The following C5orf22 variants were observed in gnomAD, a reference collection of about 807,000 sequenced individuals.
C5orf22 encodes chromosome 5 open reading frame 22.
Under a neutral mutation model 48.7 loss-of-function variants are expected in C5orf22, and 36 were observed. That is an observed-to-expected ratio of 0.74 (90% CI 0.57 to 0.98). The LOEUF is 0.98. Ranked by LOEUF, C5orf22 falls within the 50% of genes least tolerant of loss-of-function variation. C5orf22 has a pLI of 0.00. For synonymous variants in C5orf22, 141 were observed against 180.8 expected, an observed-to-expected ratio of 0.78 and a Z score of 1.76; for missense variants, 486 against 521.9, an observed-to-expected ratio of 0.93 and a Z score of 0.67.
At chr5:31,539,641 C>G (rs1353362021) in intron 4 of C5orf22, among the ~76,000 whole-genome samples, 1 of 152,092 alleles carries the variant, frequency 6.6e-6, no homozygotes, top group Non-Finnish European at 1.5e-5. Flanking sequence ...CCTAAATACC[C>G]TTTGGTACAA....
chr5:31,543,015 G>T (rs1033561910), intron 6 of C5orf22, among the ~76,000 whole-genome samples: 2 of 152,226 alleles, frequency 1.3e-5, no homozygotes, highest in African/African-American at 4.8e-5. Flanking sequence ...TATGGAAAAA[G>T]CTGAAACAGT....
In C5orf22 at chr5:31,538,591, G is replaced by T; in HGVS notation, c.709G>T (p.Glu237Ter). The T allele has an allele frequency of 6.2e-7, 1 of 1,614,096 alleles. No homozygotes were observed. Among genetic ancestry groups the T allele is most frequent in the Non-Finnish European group, 8.5e-7 (1 of 1,179,962 alleles). The change falls in exon 4 of 9, where the codon GAA becomes TAA. Residue 237 changes from glutamate to a stop codon, truncating the protein, a stop_gained. Coordinates refer to ENST00000325366, the MANE Select transcript of C5orf22 (RefSeq NM_018356.3). LOFTEE classifies it high-confidence loss of function. ...QECQTAASTG[E>*]ILEILKKGKA... ...ATGCCAGACTGCTGCCAGCACTGGG[G>T]AAATTCTGGAAATTTTGAAGAAAGG...
At chr5:31,532,505 A>T in intron 1 of C5orf22, 32 bp downstream of exon 1, 1 of 1,585,044 alleles carries the variant, frequency 6.3e-7, no homozygotes, top group Non-Finnish European at 8.6e-7. Flanking sequence ...TCTGGGGCAG[A>T]ATCAGCGGAA....
chr5:31,535,920 G>A, intron 3 of C5orf22, 27 bp downstream of exon 3: 4 of 1,597,036 alleles, frequency 2.5e-6, no homozygotes, highest in Non-Finnish European at 3.4e-6. Context: ...TGTGAATATG[G>A]AAGTGATTGA....
At chr5:31,537,911 T>G (rs112983605) in intron 3 of C5orf22, among the ~76,000 whole-genome samples, 2 of 152,358 alleles carry the variant, frequency 1.3e-5, no homozygotes, top group African/African-American at 4.8e-5. Context: ...GCCCCTGTCC[T>G]TATAGTCCAG....
intron 4 of C5orf22, 186 bp from the exon 5 acceptor site, chr5:31,540,763 T>A (rs1156950251): frequency 1.8e-6 from 1 of 541,050 alleles, no homozygotes; most frequent in East Asian, 3.2e-5. Flanking sequence ...TTACAATATT[T>A]ACAATAAAAT....
rs545649737 is a variant in C5orf22 at position 31,553,168 on chromosome 5, T to C, written c.*266T>C. The C allele has an allele frequency of 2.6e-4, 74 of 284,280 alleles. No individual in the cohort carries two copies. The highest frequency in any genetic ancestry group is 3.0e-4 in the Non-Finnish European group (44 of 149,096). 17.6% of individuals were successfully genotyped at this position (284,280 alleles called of 1,614,324 possible). Reference sequence around the variant, plus strand: ...TTAGGGTTTTGTTTTTTTTTTTGTTTGTTTGTTTGTTTGTCTTCACTTTTC... The same window carrying C: ...TTAGGGTTTTGTTTTTTTTTTTGTTCGTTTGTTTGTTTGTCTTCACTTTTC... On this transcript the variant is annotated 3_prime_UTR_variant, in exon 9 of 9. Transcript: ENST00000325366.
intron 1 of C5orf22, among the ~76,000 whole-genome samples, chr5:31,533,757 C>G (rs1741879748): frequency 1.3e-5 from 2 of 152,030 alleles, no homozygotes; most frequent in Admixed American, 6.5e-5. Context: ...AAAAAATTAG[C>G]TGGGCGTAGT....
chr5:31,548,059 TG>T (rs1743008243), intron 7 of C5orf22, among the ~76,000 whole-genome samples: 1 of 152,182 alleles, frequency 6.6e-6, no homozygotes, highest in Non-Finnish European at 1.5e-5. Context: ...CCCAGCACTT[TG>T]GGAGGCCAAG....
rs1408734451 is a variant in C5orf22 at position 31,551,289 on chromosome 5, T to C, written c.1060-4T>C. ...AGTGTAATTTTTAATTGTCTTATTTTCAGGTTCACCAGGCTGGTTTAACCT... is the reference window on the plus strand; with the variant it reads ...AGTGTAATTTTTAATTGTCTTATTTCCAGGTTCACCAGGCTGGTTTAACCT... On this transcript the variant is annotated splice_region_variant and splice_polypyrimidine_tract_variant and intron_variant, in intron 7 of 8. Transcript: ENST00000325366. 1 of 1,612,468 alleles carries C rather than the reference T, an allele frequency of 6.2e-7. No homozygotes were observed. Among genetic ancestry groups the C allele is most frequent in the East Asian group, 2.2e-5 (1 of 44,856 alleles).
At chr5:31,549,466 CT>C (rs35068314) in intron 7 of C5orf22, among the ~76,000 whole-genome samples, 25,769 of 148,238 alleles carry the variant, frequency 0.17, 2,324 homozygotes, top group Middle Eastern at 0.24. Flanking sequence ...TTTTGTTTAA[CT>C]TTTTTTTTTT....
chr5:31,537,466 T>C (rs1489936728), intron 3 of C5orf22, among the ~76,000 whole-genome samples: 1 of 152,222 alleles, frequency 6.6e-6, no homozygotes, highest in Non-Finnish European at 1.5e-5. Flanking sequence ...CATTAATCTA[T>C]TTTTGGAAAA....
At chr5:31,540,032 C>T (rs1011634998) in intron 4 of C5orf22, among the ~76,000 whole-genome samples, 4 of 152,052 alleles carry the variant, frequency 2.6e-5, no homozygotes, top group African/African-American at 7.3e-5. Flanking sequence ...GCCTGGGTGA[C>T]AGCGAGACCC....
rs143951133 is a variant in C5orf22 at position 31,552,668 on chromosome 5, C to T, written c.1200-105C>T. On this transcript the variant is annotated intron_variant, in intron 8 of 8. Transcript: ENST00000325366. ...ATTGATATTAATCCAAAGTTCAGCA[C>T]ACCTTAATTTCTGTTTTACATTGAA... The T allele has an allele frequency of 2.5e-4, 242 of 979,324 alleles. 3 individuals carry two copies. In the African/African-American group the frequency reaches 3.2e-3, roughly 13 times the overall value. 60.7% of individuals were successfully genotyped at this position (979,324 alleles called of 1,614,324 possible).
chr5:31,546,606 T>G (rs1742895494), intron 7 of C5orf22, among the ~76,000 whole-genome samples: 1 of 152,218 alleles, frequency 6.6e-6, no homozygotes, highest in Non-Finnish European at 1.5e-5. Context: ...CAGTTCCATA[T>G]GATTGGGGAG....
chr5:31,548,896 C>T (rs1743064278), intron 7 of C5orf22, among the ~76,000 whole-genome samples: 1 of 152,156 alleles, frequency 6.6e-6, no homozygotes, highest in Non-Finnish European at 1.5e-5. Flanking sequence ...GAAGAGAGAG[C>T]TTGTGCAGCG....
chr5:31,537,563 C>T (rs1001039103), intron 3 of C5orf22, among the ~76,000 whole-genome samples: 2 of 152,212 alleles, frequency 1.3e-5, no homozygotes, highest in African/African-American at 4.8e-5. Flanking sequence ...GTAAGGCATG[C>T]CTCTAGAAGA....
At chr5:31,535,687 C>T (rs1742025114) in intron 2 of C5orf22, 57 bp from the exon 3 acceptor site, 2 of 1,386,166 alleles carry the variant, frequency 1.4e-6, no homozygotes, top group African/African-American at 2.9e-5. Flanking sequence ...GATAAAATTA[C>T]ACTTGGGAAA....
intron 1 of C5orf22, among the ~76,000 whole-genome samples, chr5:31,533,687 A>G (rs1741873627): frequency 6.6e-6 from 1 of 152,152 alleles, no homozygotes; most frequent in Admixed American, 6.5e-5. Context: ...AAGTGTACCA[A>G]AAAGACCCTA....
Sources: allele counts gnomAD v4.1 joint callset (sites outside exome capture counted in the v4.1 genomes callset), GRCh38; gene constraint gnomAD v4.1.1; transcripts MANE v1.5; gene names NCBI Gene and HGNC (gene_info 2026-07-23, HGNC 2026-07-21).